The following PUM2 variants were observed in gnomAD, a reference collection of about 807,000 sequenced individuals.
PUM2 encodes pumilio RNA binding family member 2.
Under a neutral mutation model 124.5 loss-of-function variants are expected in PUM2, and 57 were observed. The observed-to-expected ratio is 0.46, with a 90% CI of 0.37 to 0.57. The LOEUF is 0.57. Ranked by LOEUF, PUM2 falls within the 20% of genes least tolerant of loss-of-function variation. The pLI, the probability that PUM2 is intolerant of heterozygous loss-of-function variation, is 0.00. For missense variants in PUM2, 1,065 were observed against 1,290.6 expected, an observed-to-expected ratio of 0.83 and a Z score of 2.68; for synonymous variants, 460 against 446.1, an observed-to-expected ratio of 1.03 and a Z score of -0.39.
chr2:20,304,412 G>T (rs1677725609), intron 7 of PUM2, among the ~76,000 whole-genome samples: 2 of 152,096 alleles, frequency 1.3e-5, no homozygotes, highest in Admixed American at 1.3e-4. Flanking sequence ...GTACAAACTA[G>T]CTAAGAATAG....
chr2:20,314,795 G>A (rs1337617099), intron 3 of PUM2, among the ~76,000 whole-genome samples: 1 of 151,992 alleles, frequency 6.6e-6, no homozygotes, highest in Non-Finnish European at 1.5e-5. Flanking sequence ...TGTATGCTAA[G>A]CAATGAGCTA....
At chr2:20,349,879 A>T (rs1252947798) in intron 1 of PUM2, among the ~76,000 whole-genome samples, 1 of 152,230 alleles carries the variant, frequency 6.6e-6, no homozygotes, top group Non-Finnish European at 1.5e-5. Context: ...AAGCTAAGTT[A>T]AGTAGGTTTT....
chr2:20,280,364 T>C (rs541377018), intron 12 of PUM2, among the ~76,000 whole-genome samples: 1 of 152,322 alleles, frequency 6.6e-6, no homozygotes, highest in South Asian at 2.1e-4. Flanking sequence ...CAAAAGTGAA[T>C]TATAAGCACA....
chr2:20,271,476 G>A (rs1047504664), intron 13 of PUM2, among the ~76,000 whole-genome samples: 1 of 151,956 alleles, frequency 6.6e-6, no homozygotes, highest in Admixed American at 6.6e-5. Context: ...ACCGCACCCG[G>A]CTAATTTTTG....
intron 2 of PUM2, among the ~76,000 whole-genome samples, chr2:20,326,637 A>G (rs1210710524): frequency 6.6e-6 from 1 of 152,244 alleles, no homozygotes; most frequent in East Asian, 1.9e-4. Context: ...CTTAAAATAT[A>G]TAATGATGAG....
chr2:20,290,309 C>G (rs1009435561), intron 10 of PUM2, among the ~76,000 whole-genome samples: 5 of 152,110 alleles, frequency 3.3e-5, no homozygotes, highest in Non-Finnish European at 5.9e-5. Context: ...GCAGGAGTGG[C>G]AAATAGATTG....
At chr2:20,282,355 T>C (rs1671736731) in intron 12 of PUM2, among the ~76,000 whole-genome samples, 1 of 152,224 alleles carries the variant, frequency 6.6e-6, no homozygotes, top group Non-Finnish European at 1.5e-5. Context: ...TAGATACCCT[T>C]TTAAGTGAAT....
chr2:20,343,621 GTTGGGCATGGTGGC>G (rs1383750232), intron 1 of PUM2, among the ~76,000 whole-genome samples: 1 of 152,114 alleles, frequency 6.6e-6, no homozygotes, highest in Admixed American at 6.5e-5. Context: ...AGAAATTTCT[GTTGGGCATGGTGGC>G]TTGGACCTAT....
intron 13 of PUM2, among the ~76,000 whole-genome samples, chr2:20,273,145 T>C (rs899124937): frequency 1.3e-5 from 2 of 152,212 alleles, no homozygotes; most frequent in South Asian, 2.1e-4. Flanking sequence ...CAGCTACAAA[T>C]TATTTCAAGT....
intron 16 of PUM2, among the ~76,000 whole-genome samples, chr2:20,256,952 G>A (rs1558477135): frequency 6.8e-6 from 1 of 147,748 alleles, no homozygotes; most frequent in African/African-American, 2.5e-5. Context: ...GCTGAGGCAG[G>A]AGAATCACTT....
chr2:20,351,852 T>G (rs1689372331), upstream of PUM2, among the ~76,000 whole-genome samples: 1 of 152,224 alleles, frequency 6.6e-6, no homozygotes, highest in African/African-American at 2.4e-5. Flanking sequence ...GTGTTTTGTT[T>G]CACACTGTGC....
At chr2:20,348,029 A>G (rs538882835) in intron 1 of PUM2, among the ~76,000 whole-genome samples, 1 of 152,284 alleles carries the variant, frequency 6.6e-6, no homozygotes, top group Non-Finnish European at 1.5e-5. Context: ...TGCATTTCCT[A>G]AAAACAGCAA....
At chr2:20,327,514 G>T in intron 1 of PUM2, 136 bp from the exon 2 acceptor site, 1 of 591,372 alleles carries the variant, frequency 1.7e-6, no homozygotes, top group Non-Finnish European at 2.9e-6. Context: ...CTGTAGGGAA[G>T]ACAGGTTTTC....
chr2:20,284,287 G>A (rs1307809308), intron 10 of PUM2, among the ~76,000 whole-genome samples: 4 of 152,184 alleles, frequency 2.6e-5, no homozygotes, highest in Non-Finnish European at 4.4e-5. Flanking sequence ...GTTTAGAAAG[G>A]CTGCCTTATA....
intron 10 of PUM2, among the ~76,000 whole-genome samples, chr2:20,285,085 T>C (rs1051028599): frequency 1.3e-5 from 2 of 152,224 alleles, no homozygotes; most frequent in South Asian, 2.1e-4. Flanking sequence ...CATTTGGACA[T>C]TTGGCTATAA....
intron 10 of PUM2, among the ~76,000 whole-genome samples, chr2:20,288,655 T>TA (rs1419484589): frequency 1.3e-5 from 2 of 152,154 alleles, no homozygotes; most frequent in African/African-American, 4.8e-5. Context: ...AGGGATCTGA[T>TA]AAAGTACTGA....
chr2:20,342,100 G>C (rs1425310223), intron 1 of PUM2, among the ~76,000 whole-genome samples: 1 of 146,340 alleles, frequency 6.8e-6, no homozygotes, highest in Non-Finnish European at 1.5e-5. Context: ...CTACACTCCA[G>C]CCTGGGCAAC....
chr2:20,311,430 A>G (rs1257165080), intron 5 of PUM2, 64 bp downstream of exon 5: 2 of 1,446,208 alleles, frequency 1.4e-6, no homozygotes, highest in Admixed American at 4.6e-5. Context: ...AATCAGTCAC[A>G]TCAACTAATA....
Position 20,285,251 on chromosome 2 carries a change from G to A in PUM2, c.1292-1765C>T, listed in dbSNP as rs140616791. ...CTCAAATCCATCCATTCTCTTGATG[G>A]CTACTTTCCTGTCCAACCAGATTAT... On this transcript the variant is annotated intron_variant, in intron 10 of 20. Transcript: ENST00000361078. Among the ~76,000 whole-genome samples the A allele has an allele frequency of 6.4e-4, 97 of 152,160 alleles. 1 individual carries two copies. Among genetic ancestry groups the A allele is most frequent in the African/African-American group, 2.3e-3 (94 of 41,508 alleles).
Sources: allele counts gnomAD v4.1 joint callset (sites outside exome capture counted in the v4.1 genomes callset), GRCh38; gene constraint gnomAD v4.1.1; transcripts MANE v1.5; gene names NCBI Gene and HGNC (gene_info 2026-07-23, HGNC 2026-07-21).